Variants in TBC1D5 observed in about 807,000 individuals in gnomAD.
TBC1D5 encodes the protein TBC1 domain family, member 5.
In TBC1D5, 75 loss-of-function variants were observed where a neutral mutation model predicts 100.3. The observed-to-expected ratio is 0.75, with a 90% CI of 0.62 to 0.91. TBC1D5 has a LOEUF of 0.91. TBC1D5 is among the 40% of genes least tolerant of loss of function. The pLI, the probability that TBC1D5 is intolerant of heterozygous loss-of-function variation, is 0.00. For missense variants in TBC1D5, 910 were observed against 942.4 expected (o/e 0.97, Z 0.45); for synonymous variants, 323 against 325.6 (o/e 0.99, Z 0.09).
intron 1 of TBC1D5, among the ~76,000 whole-genome samples, chr3:17,721,507 T>C (rs1013014800): frequency 2.0e-5 from 3 of 152,054 alleles, no homozygotes; most frequent in South Asian, 4.2e-4. Flanking sequence ...GCAATCTTTT[T>C]AACTTTTTAA....
intron 2 of TBC1D5, among the ~76,000 whole-genome samples, chr3:17,543,236 A>G (rs2096376875): frequency 6.6e-6 from 1 of 152,240 alleles, no homozygotes; most frequent in Non-Finnish European, 1.5e-5. Flanking sequence ...AGAGAGACAC[A>G]ACAGGGATTA....
At chr3:17,558,049 A>G (rs999306034) in intron 2 of TBC1D5, among the ~76,000 whole-genome samples, 1 of 152,174 alleles carries the variant, frequency 6.6e-6, no homozygotes, top group Admixed American at 6.5e-5. Context: ...CTCTACCCAT[A>G]TACATATTAC....
At chr3:17,561,234 T>C (rs1002544273) in intron 2 of TBC1D5, among the ~76,000 whole-genome samples, 1 of 152,168 alleles carries the variant, frequency 6.6e-6, no homozygotes, top group African/African-American at 2.4e-5. Context: ...TATGTTATAA[T>C]GAAAAGGTTA....
chr3:17,177,113 T>G lies in TBC1D5; in HGVS notation c.1852+7996A>C, dbSNP rs564043967. ...GATGATGGACTTGGTATTAAATTTT[T>G]TTAAAAAAAGAAAGAAAATAATTCA... On this transcript the variant is annotated intron_variant, in intron 19 of 21. Coordinates refer to ENST00000253692, the Ensembl canonical transcript of TBC1D5. Among the ~76,000 whole-genome samples, 3 of 152,286 alleles carry G rather than the reference T, an allele frequency of 2.0e-5. 1 individual carries two copies. The South Asian group carries it at 6.2e-4, about 32-fold the overall frequency.
chr3:17,479,801 T>C (rs113908644), intron 3 of TBC1D5, among the ~76,000 whole-genome samples: 2 of 152,198 alleles, frequency 1.3e-5, no homozygotes, highest in Non-Finnish European at 2.9e-5. Flanking sequence ...GTGAAGATGC[T>C]GGGTGCAGTG....
intron 17 of TBC1D5, among the ~76,000 whole-genome samples, chr3:17,228,101 G>C (rs1016508546): frequency 1.3e-5 from 2 of 152,090 alleles, no homozygotes; most frequent in African/African-American, 4.8e-5. Context: ...TAAGGGCTTG[G>C]TTGAGTGGAC....
intron 19 of TBC1D5, among the ~76,000 whole-genome samples, chr3:17,175,992 A>G (rs1401905882): frequency 6.6e-6 from 1 of 152,162 alleles, no homozygotes; most frequent in Non-Finnish European, 1.5e-5. Context: ...GATGAGGTAG[A>G]TGGGTTTTGT....
intron 14 of TBC1D5, among the ~76,000 whole-genome samples, chr3:17,307,429 T>C (rs1054474930): frequency 6.6e-5 from 10 of 152,228 alleles, no homozygotes; most frequent in Admixed American, 3.3e-4. Flanking sequence ...GGCTAGACAC[T>C]GGCTTTCCGG....
chr3:17,214,373 G>A lies in TBC1D5; in HGVS notation c.1589-3C>T. On this transcript the variant is annotated splice_polypyrimidine_tract_variant and splice_region_variant and intron_variant, in intron 17 of 21. Coordinates refer to ENST00000253692, the Ensembl canonical transcript of TBC1D5. ...ACTGATGTTTTTAGAACTTAGCCCT[G>A]TAAGAAAAATTAAGTAGCAATAATG... 1 of 1,608,264 alleles carries A rather than the reference G, an allele frequency of 6.2e-7. No homozygotes were observed. Among genetic ancestry groups the A allele is most frequent in the Non-Finnish European group, 8.5e-7 (1 of 1,178,452 alleles).
intron 1 of TBC1D5, among the ~76,000 whole-genome samples, chr3:17,638,304 TA>T (rs1355012259): frequency 1.3e-5 from 2 of 152,024 alleles, no homozygotes; most frequent in African/African-American, 4.8e-5. Flanking sequence ...CCATACCCAT[TA>T]AACAGTCACT....
chr3:17,379,432 A>G (rs1005345947), intron 9 of TBC1D5, among the ~76,000 whole-genome samples: 3 of 152,078 alleles, frequency 2.0e-5, no homozygotes, highest in Non-Finnish European at 4.4e-5. Context: ...TCCAACTTTA[A>G]ATGTTCTCTT....
chr3:17,228,717 CA>C (rs2075146357), intron 17 of TBC1D5, among the ~76,000 whole-genome samples: 1 of 148,608 alleles, frequency 6.7e-6, no homozygotes, highest in Non-Finnish European at 1.5e-5. Context: ...GTAAGTTGCA[CA>C]AAGTTACTGT....
chr3:17,518,638 A>G (rs2096021974), intron 2 of TBC1D5, among the ~76,000 whole-genome samples: 1 of 152,240 alleles, frequency 6.6e-6, no homozygotes, highest in Admixed American at 6.5e-5. Flanking sequence ...AGAGCTCGGG[A>G]GCCACAAGTG....
chr3:17,740,377 G>C (rs2077324575), exon 1 of TBC1D5: 1 of 151,446 alleles, frequency 6.6e-6, no homozygotes, highest in South Asian at 2.1e-4. Context: ...ACTTACAACA[G>C]TGTCCGGCAC....
At chr3:17,360,021 T>C (rs1288945198) in intron 13 of TBC1D5, among the ~76,000 whole-genome samples, 1 of 152,030 alleles carries the variant, frequency 6.6e-6, no homozygotes, top group East Asian at 1.9e-4. Context: ...TTAGAACCTA[T>C]AGTTTTGATT....
intron 13 of TBC1D5, among the ~76,000 whole-genome samples, chr3:17,323,319 T>C (rs1243137094): frequency 1.3e-5 from 2 of 152,178 alleles, no homozygotes; most frequent in East Asian, 1.9e-4. Flanking sequence ...GAGAAAACTG[T>C]AGACACATAT....
intron 4 of TBC1D5, among the ~76,000 whole-genome samples, chr3:17,425,533 G>A (rs757905536): frequency 3.3e-5 from 5 of 152,122 alleles, no homozygotes; most frequent in African/African-American, 4.8e-5. Flanking sequence ...AGGCTGAGAG[G>A]TGGGAGGATT....
Position 17,647,572 on chromosome 3 carries a change from G to C in TBC1D5, c.-100-23659C>G, listed in dbSNP as rs753152021. On this transcript the variant is annotated intron_variant, in intron 1 of 21. Transcript: ENST00000253692. ...AAGGGTTTTCCAGACAAAGGGAAGA[G>C]CAAGTGCAAAGACCCTGATGTGGAG... Among the ~76,000 whole-genome samples, 40 of 152,086 alleles carry C rather than the reference G, an allele frequency of 2.6e-4. 1 individual carries two copies. The highest frequency in any genetic ancestry group is 3.4e-4 in the Non-Finnish European group (23 of 68,002).
intron 13 of TBC1D5, among the ~76,000 whole-genome samples, chr3:17,366,604 C>T (rs1362304887): frequency 6.6e-6 from 1 of 151,940 alleles, no homozygotes; most frequent in East Asian, 1.9e-4. Flanking sequence ...TAATATAAAG[C>T]TCATTGAAAA....
Sources: gnomAD v4.1 joint callset for allele counts (sites outside exome capture counted in the v4.1 genomes callset) on GRCh38, gnomAD v4.1.1 for gene constraint, MANE v1.5 for transcripts, NCBI Gene and HGNC (gene_info 2026-07-23, HGNC 2026-07-21) for gene names.